Variants in MAGI1 observed in about 807,000 individuals in gnomAD.
MAGI1 encodes the protein membrane-associated guanylate kinase, WW and PDZ domain-containing protein 1.
In MAGI1, 58 loss-of-function variants were observed where a neutral mutation model predicts 139.9. That is an observed-to-expected ratio of 0.41 (90% CI 0.34 to 0.52). The LOEUF (loss-of-function observed/expected upper bound fraction) is 0.52. MAGI1 is among the 20% of genes least tolerant of loss of function. The pLI is 0.12. For synonymous variants in MAGI1, 812 were observed against 737.9 expected (o/e 1.10, Z -1.63); for missense variants, 1,874 against 1,901.6 (o/e 0.99, Z 0.27).
rs2069059097 is a variant in MAGI1 at position 66,038,419 on chromosome 3, CA to C, written c.-112del. On this transcript the variant is annotated 5_prime_UTR_variant, in exon 1 of 23. Transcript: ENST00000402939. ...GGGAGAAACATCTCTCCCCAAATCA[CA>C]AAACAGGAGAGAGAAACTTGGCAGC... 9 of 1,416,888 alleles carry C rather than the reference CA, an allele frequency of 6.4e-6. No homozygotes were observed. In the South Asian group the frequency reaches 1.2e-4, roughly 18 times the overall value. The allele number at this position is 1,416,888 out of a possible 1,614,324, so 87.8% of individuals were successfully genotyped here.
At chr3:65,647,724 G>A (rs991739747) in intron 1 of MAGI1, among the ~76,000 whole-genome samples, 2 of 151,912 alleles carry the variant, frequency 1.3e-5, no homozygotes, top group African/African-American at 2.4e-5. Context: ...AAAACTTTAA[G>A]AAAACTACAA....
chr3:65,651,352 A>G (rs2085568367), intron 1 of MAGI1, among the ~76,000 whole-genome samples: 1 of 152,182 alleles, frequency 6.6e-6, no homozygotes, highest in Admixed American at 6.5e-5. Context: ...AGCAGTTCAA[A>G]CACACCCTGG....
intron 1 of MAGI1, among the ~76,000 whole-genome samples, chr3:65,915,979 G>A (rs1576021285): frequency 6.7e-6 from 1 of 148,642 alleles, no homozygotes; most frequent in East Asian, 1.9e-4. Context: ...TATATAAAAT[G>A]TGAATATATA....
At chr3:65,960,602 T>C (rs1226095631) in intron 1 of MAGI1, among the ~76,000 whole-genome samples, 1 of 152,206 alleles carries the variant, frequency 6.6e-6, no homozygotes, top group African/African-American at 2.4e-5. Context: ...AAAAAGTGCG[T>C]AATCCTAATT....
chr3:65,378,605 C>T (rs1405493641), intron 17 of MAGI1, among the ~76,000 whole-genome samples: 2 of 152,056 alleles, frequency 1.3e-5, no homozygotes, highest in Non-Finnish European at 2.9e-5. Context: ...TTTCGAAAGC[C>T]TTGCTTTGGC....
intron 1 of MAGI1, among the ~76,000 whole-genome samples, chr3:65,647,549 A>G (rs1349590357): frequency 6.6e-6 from 1 of 152,182 alleles, no homozygotes; most frequent in African/African-American, 2.4e-5. Flanking sequence ...AAAACAATAT[A>G]CACTATGACC....
In MAGI1 at chr3:65,792,756, A is replaced by G. The variant is rs948004673; in HGVS notation, c.314-170668T>C. 3.3e-5 allele frequency among the ~76,000 whole-genome samples: 5 copies of G among 152,074 alleles called. No homozygotes were observed. The South Asian group carries it at 1.0e-3, about 32-fold the overall frequency. ...AAAATGACTCAAGGTTCATTACACT[A>G]CTCAGAACCACATGCAGTTTAAAAC... On this transcript the variant is annotated intron_variant, in intron 1 of 22. Transcript: ENST00000402939.
At chr3:65,905,995 G>T (rs1266421907) in intron 1 of MAGI1, among the ~76,000 whole-genome samples, 1 of 152,066 alleles carries the variant, frequency 6.6e-6, no homozygotes, top group Admixed American at 6.6e-5. Flanking sequence ...CACAATTAAG[G>T]CATTCTCTTA....
intron 1 of MAGI1, among the ~76,000 whole-genome samples, chr3:66,025,856 A>G (rs189498160): frequency 1.3e-5 from 2 of 152,322 alleles, no homozygotes; most frequent in East Asian, 1.9e-4. Context: ...GAAAAAATTT[A>G]AATTTCACCA....
intron 12 of MAGI1, among the ~76,000 whole-genome samples, chr3:65,410,305 A>T (rs550441926): frequency 3.9e-5 from 6 of 152,334 alleles, no homozygotes; most frequent in South Asian, 2.1e-4. Context: ...ACATAAATTT[A>T]TTCTTCGTAC....
chr3:65,478,916 AC>A, intron 3 of MAGI1, 118 bp from the exon 4 acceptor site: 1 of 736,132 alleles, frequency 1.4e-6, no homozygotes, highest in Non-Finnish European at 2.3e-6. Flanking sequence ...GAAAACCAGA[AC>A]AAACTGTATT....
chr3:65,543,434 A>T (rs1226368929), intron 2 of MAGI1, among the ~76,000 whole-genome samples: 3 of 152,230 alleles, frequency 2.0e-5, no homozygotes, highest in Non-Finnish European at 4.4e-5. Flanking sequence ...TCATTCTGCT[A>T]CAAAGACACA....
At chr3:65,539,495 A>T (rs1437609315) in intron 2 of MAGI1, among the ~76,000 whole-genome samples, 1 of 152,240 alleles carries the variant, frequency 6.6e-6, no homozygotes, top group African/African-American at 2.4e-5. Context: ...TGAAATGGAT[A>T]CCGTGTTCTC....
chr3:65,881,755 G>A (rs955630692), intron 1 of MAGI1, among the ~76,000 whole-genome samples: 2 of 152,198 alleles, frequency 1.3e-5, no homozygotes, highest in African/African-American at 4.8e-5. Context: ...TCAAGTCTAT[G>A]GGAGGGGGAT....
intron 2 of MAGI1, among the ~76,000 whole-genome samples, chr3:65,577,230 A>G (rs1175677915): frequency 6.6e-6 from 1 of 152,228 alleles, no homozygotes. Context: ...CCTGGAATGT[A>G]AATTTAAAGG....
intron 1 of MAGI1, among the ~76,000 whole-genome samples, chr3:66,016,898 G>T (rs2067674875): frequency 6.6e-6 from 1 of 152,150 alleles, no homozygotes; most frequent in African/African-American, 2.4e-5. Flanking sequence ...GTCGCAAAAG[G>T]GTAAACACTG....
intron 2 of MAGI1, among the ~76,000 whole-genome samples, chr3:65,580,414 C>G (rs565447862): frequency 6.6e-6 from 1 of 151,892 alleles, no homozygotes; most frequent in Non-Finnish European, 1.5e-5. Flanking sequence ...ATGACAGCTA[C>G]AGACATCAGA....
intron 1 of MAGI1, among the ~76,000 whole-genome samples, chr3:65,732,096 C>A (rs1439620866): frequency 6.6e-6 from 1 of 152,188 alleles, no homozygotes; most frequent in African/African-American, 2.4e-5. Flanking sequence ...TTAGCCCCTG[C>A]TGAACTGTTC....
At chr3:65,903,950 G>T (rs1188349452) in intron 1 of MAGI1, among the ~76,000 whole-genome samples, 1 of 151,968 alleles carries the variant, frequency 6.6e-6, no homozygotes, top group African/African-American at 2.4e-5. Context: ...GGAGGTTGCA[G>T]TGAGCCGAGA....
Sources: allele counts gnomAD v4.1 joint callset (sites outside exome capture counted in the v4.1 genomes callset), GRCh38; gene constraint gnomAD v4.1.1; transcripts MANE v1.5; gene names NCBI Gene and HGNC (gene_info 2026-07-23, HGNC 2026-07-21).